GTF3C1: variants seen among roughly 807,000 people sequenced by gnomAD.
GTF3C1 encodes the protein general transcription factor IIIC subunit 1.
In GTF3C1, 57 loss-of-function variants were observed where a neutral mutation model predicts 226.7. That is an observed-to-expected ratio of 0.25 (90% CI 0.20 to 0.31). The LOEUF is 0.31. GTF3C1 is among the 10% of genes least tolerant of loss of function. The probability of loss-of-function intolerance (pLI) is 1.00; values close to 1 mark genes in which losing one functional copy is unlikely to be tolerated. For missense variants in GTF3C1, 2,217 were observed against 2,776.1 expected (o/e 0.80, Z 4.53); for synonymous variants, 1,090 against 1,084.8 (o/e 1.00, Z -0.09).
Position 27,465,390 on chromosome 16 carries a change from G to A in GTF3C1, c.5225C>T (p.Ala1742Val), listed in dbSNP as rs1186782904. The change falls in exon 33 of 37, where the codon GCC (alanine) becomes GTC (valine). Residue 1742 changes from alanine (A) to valine (V), a missense_variant. By Grantham distance (64) the Ala-to-Val change is moderately conservative (BLOSUM62 0). This residue lies in a region of GTF3C1 where 455 missense variants were observed against 441.9 expected (regional missense o/e 1.03). Transcript: ENST00000356183. Reference sequence around the variant, plus strand: ...TATAATGGCTTCCAAGATCTCCAAGGCAGCAGTCAGGTCTTCGGGACTATA... The same window carrying A: ...TATAATGGCTTCCAAGATCTCCAAGACAGCAGTCAGGTCTTCGGGACTATA... The part of the protein sequence containing the change: ...SGYSPEDLTA[A>V]LEILEAIIAT... 2.2e-5 allele frequency: 35 copies of A among 1,613,998 alleles called. No individual in the cohort carries two copies. The Admixed American group carries it at 5.8e-4, about 27-fold the overall frequency.
intron 14 of GTF3C1, among the ~76,000 whole-genome samples, chr16:27,496,639 CATG>C (rs1212377870): frequency 6.6e-6 from 1 of 152,336 alleles, no homozygotes; most frequent in African/African-American, 2.4e-5. Flanking sequence ...CTCCTGACCT[CATG>C]ATATGCTCCA....
intron 7 of GTF3C1, 134 bp downstream of exon 7, chr16:27,511,615 C>T (rs924310813): frequency 4.4e-6 from 4 of 910,350 alleles, no homozygotes; most frequent in African/African-American, 3.3e-5. Flanking sequence ...AGCCTAAACC[C>T]TTCTGGGGAA....
chr16:27,518,255 G>C (rs2088692144), intron 6 of GTF3C1, among the ~76,000 whole-genome samples: 1 of 151,900 alleles, frequency 6.6e-6, no homozygotes, highest in Admixed American at 6.6e-5. Context: ...AACACTGAAT[G>C]ACGGAGGTGG....
At chr16:27,479,625 C>A (rs902650554) in intron 27 of GTF3C1, among the ~76,000 whole-genome samples, 3 of 152,152 alleles carry the variant, frequency 2.0e-5, no homozygotes, top group South Asian at 2.1e-4. Flanking sequence ...CGTGCCACCA[C>A]GCCCAGCTAA....
Position 27,461,795 on chromosome 16 carries a change from AC to A in GTF3C1, c.6118-234del. ...GTGTACAGCGCTGGCTGGAGCCACC[AC>A]GCTGAATCTCATTTGTGGAGGAGAG... On this transcript the variant is annotated intron_variant, in intron 36 of 36. Transcript: ENST00000356183. The surrounding 1 kb of genome is among the most constrained non-coding windows in gnomAD (Gnocchi z 5.3). 1 of 547,388 alleles carries A rather than the reference AC, an allele frequency of 1.8e-6. No individual in the cohort carries two copies. Among genetic ancestry groups the A allele is most frequent in the South Asian group, 2.5e-5 (1 of 40,024 alleles). The allele number at this position is 547,388 out of a possible 1,614,324, so 33.9% of individuals were successfully genotyped here. A position where few individuals can be genotyped will look rare whatever the true frequency, so the allele number is the denominator to read the frequency against.
At chr16:27,482,979 C>T in intron 26 of GTF3C1, 65 bp downstream of exon 26, 1 of 1,357,960 alleles carries the variant, frequency 7.4e-7, no homozygotes, top group Non-Finnish European at 1.1e-6. Flanking sequence ...ATGAGAGGAG[C>T]TGACTGAAGT....
At chr16:27,482,208 G>A (rs747579363) in intron 26 of GTF3C1, among the ~76,000 whole-genome samples, 3 of 152,170 alleles carry the variant, frequency 2.0e-5, no homozygotes, top group Non-Finnish European at 2.9e-5. Flanking sequence ...TTGCAACCAG[G>A]GGGTGACTGG....
At chr16:27,505,463 C>T (rs2088469888) in intron 10 of GTF3C1, among the ~76,000 whole-genome samples, 1 of 152,124 alleles carries the variant, frequency 6.6e-6, no homozygotes, top group African/African-American at 2.4e-5. Context: ...AGTAGCAGCC[C>T]CTCCCTAAGT....
At chr16:27,518,071 A>C (rs1185360246) in intron 6 of GTF3C1, among the ~76,000 whole-genome samples, 2 of 152,236 alleles carry the variant, frequency 1.3e-5, no homozygotes, top group African/African-American at 4.8e-5. Flanking sequence ...AGTTGGGAAC[A>C]AACGAACCCC....
chr16:27,495,779 T>C (rs1294144313), intron 14 of GTF3C1, among the ~76,000 whole-genome samples: 1 of 152,176 alleles, frequency 6.6e-6, no homozygotes, highest in Non-Finnish European at 1.5e-5. Flanking sequence ...TAGAGTGAAC[T>C]CCAGTCGGTG....
chr16:27,461,897 G>C lies in GTF3C1; in HGVS notation c.6118-335C>G, dbSNP rs1220487435. 7 of 398,828 alleles carry C rather than the reference G, an allele frequency of 1.8e-5. No homozygotes were observed. The highest frequency in any genetic ancestry group is 5.9e-5 in the African/African-American group (3 of 50,554). 24.7% of individuals were successfully genotyped at this position (398,828 alleles called of 1,614,324 possible). The stretch of plus-strand genomic sequence containing the variant: ...CAGGTGGGGTTTTGTTTGGCTCATG[G>C]GGAATTTGACACTCAACTTCAAGCT... On this transcript the variant is annotated intron_variant, in intron 36 of 36. Transcript: ENST00000356183. The surrounding 1 kb of genome is among the most constrained non-coding windows in gnomAD (Gnocchi z 5.3).
chr16:27,485,159 C>T (rs888188808), intron 24 of GTF3C1, among the ~76,000 whole-genome samples: 26 of 152,338 alleles, frequency 1.7e-4, no homozygotes, highest in African/African-American at 3.6e-4. Flanking sequence ...AGGGGACAAG[C>T]GGTCAAGACA....
rs1445424875 is a variant in GTF3C1 at position 27,502,841 on chromosome 16, A to G, written c.1907+18T>C. 1 of 1,554,912 alleles carries G rather than the reference A, an allele frequency of 6.4e-7. No homozygotes were observed. The highest frequency in any genetic ancestry group is 8.7e-7 in the Non-Finnish European group (1 of 1,148,594). On this transcript the variant is annotated intron_variant, in intron 11 of 36. Coordinates refer to ENST00000356183, the MANE Select transcript of GTF3C1 (RefSeq NM_001520.4). ...TGTTAGTGCCAGCAGACAGACAGAC[A>G]GACAGACAGCTCCTTACGTGAATAA...
chr16:27,514,170 A>C, intron 6 of GTF3C1, among the ~76,000 whole-genome samples: 1 of 152,302 alleles, frequency 6.6e-6, no homozygotes, highest in Admixed American at 6.5e-5. Flanking sequence ...ACAGCATCAG[A>C]AAGTCCCCCA....
chr16:27,544,934 C>T (rs62029083), intron 2 of GTF3C1, among the ~76,000 whole-genome samples: 23,379 of 151,800 alleles, frequency 0.15, 2,874 homozygotes, highest in East Asian at 0.61. Flanking sequence ...GCTCTGACTA[C>T]ACATTCAAAG....
chr16:27,528,786 CAT>C (rs1410240026), intron 5 of GTF3C1, 65 bp from the exon 6 acceptor site: 2 of 1,458,782 alleles, frequency 1.4e-6, no homozygotes, highest in Non-Finnish European at 1.9e-6. Flanking sequence ...ACTAGAAAGT[CAT>C]ATAAATGAAC....
chr16:27,481,613 C>T (rs934762108), intron 26 of GTF3C1, among the ~76,000 whole-genome samples: 2 of 152,158 alleles, frequency 1.3e-5, no homozygotes, highest in African/African-American at 2.4e-5. Context: ...CGGGTGGCCC[C>T]CAAATCAATT....
At position 27,488,562 on chromosome 16, in the gene GTF3C1, C is replaced by G. The variant is rs753065871; in HGVS notation, c.3503G>C (p.Ser1168Thr). 6.2e-7 allele frequency: 1 copy of G among 1,613,766 alleles called. No homozygotes were observed. Among genetic ancestry groups the G allele is most frequent in the South Asian group, 1.1e-5 (1 of 91,082 alleles). The change falls in exon 22 of 37, where the codon AGT (serine) becomes ACT (threonine). Residue 1168 changes from serine (S) to threonine (T), a missense_variant. Transcript: ENST00000356183. ...TFLSKRPMPL[S>T]ARGNSRLNIW... ...ACTCCCAGCACACGTACCTCTGGCA[C>G]TGAGGGGCATTGGGCGCTTGGACAG...
At position 27,531,243 on chromosome 16, in the gene GTF3C1, G is replaced by C. The variant is rs139422246; in HGVS notation, c.849+2048C>G. Among the ~76,000 whole-genome samples the C allele has an allele frequency of 6.0e-4, 91 of 152,248 alleles. 1 individual carries two copies. The highest frequency in any genetic ancestry group is 1.0e-3 in the Non-Finnish European group (68 of 68,018). On this transcript the variant is annotated intron_variant, in intron 5 of 36. Coordinates refer to ENST00000356183, the MANE Select transcript of GTF3C1 (RefSeq NM_001520.4). ...CCAGCACTCCAGTCCTTTCTGATTG[G>C]GCCCCTACCTTCCTATCCAGCCACA...
Sources: gnomAD v4.1 joint callset for allele counts (sites outside exome capture counted in the v4.1 genomes callset) on GRCh38, gnomAD v4.1.1 for gene constraint, gnomAD v4.1.1 regional missense constraint, Gnocchi (gnomAD v3.1) non-coding constraint, MANE v1.5 for transcripts, NCBI Gene and HGNC (gene_info 2026-07-23, HGNC 2026-07-21) for gene names.